The following PADI4 variants were observed in gnomAD, a reference collection of about 807,000 sequenced individuals.
The protein encoded by PADI4 is peptidyl arginine deiminase 4.
A neutral mutation model predicts 75.0 loss-of-function variants in PADI4; 62 were observed. The observed-to-expected ratio is 0.83, with a 90% CI of 0.67 to 1.02. The LOEUF (loss-of-function observed/expected upper bound fraction) is 1.02. Among genes scored for constraint, PADI4 ranks in the 50% least tolerant of loss-of-function variants. PADI4 has a pLI of 0.00. For missense variants in PADI4, 845 were observed against 850.5 expected (o/e 0.99, Z 0.08); for synonymous variants, 361 against 348.1 (o/e 1.04, Z -0.41).
chr1:17,342,247 G>A (rs913206464), intron 7 of PADI4, 52 bp from the exon 8 acceptor site: 6 of 1,422,486 alleles, frequency 4.2e-6, no homozygotes, highest in Non-Finnish European at 5.0e-6. Context: ...GGTAGGTGCT[G>A]GGCCCTGGCA....
intron 1 of PADI4, among the ~76,000 whole-genome samples, chr1:17,317,084 G>A (rs944492717): frequency 2.6e-5 from 4 of 152,122 alleles, no homozygotes; most frequent in Non-Finnish European, 4.4e-5. Flanking sequence ...TACGTATGTC[G>A]CAGAGTTGTC....
chr1:17,311,590 T>G (rs1348842370), intron 1 of PADI4, among the ~76,000 whole-genome samples: 1 of 151,586 alleles, frequency 6.6e-6, no homozygotes, highest in Non-Finnish European at 1.5e-5. Flanking sequence ...AGTGGCAAGA[T>G]CTTGGCTCAC....
Position 17,329,007 on chromosome 1 carries a change from TTATTAAGATATCTTAATATAATAAATTA to T in PADI4, c.93-1950_93-1923del, listed in dbSNP as rs1208124092. On this transcript the variant is annotated intron_variant, in intron 1 of 15. Transcript: ENST00000375448. Reference sequence around the variant, plus strand: ...TATTAAGATATTTTTATTATGATATTTATTAAGATATCTTAATATAATAAATTATATTAAGATATAATTTATTAATAAA... The same window carrying T: ...TATTAAGATATTTTTATTATGATATTTATTAAGATATAATTTATTAATAAA... Among the ~76,000 whole-genome samples the T allele has an allele frequency of 1.4e-4, 21 of 146,880 alleles. 1 individual carries two copies. In the East Asian group the frequency reaches 3.5e-3, roughly 25 times the overall value.
chr1:17,341,326 C>T (rs6665305), intron 6 of PADI4, among the ~76,000 whole-genome samples: 1 of 152,158 alleles, frequency 6.6e-6, no homozygotes, highest in African/African-American at 2.4e-5. Context: ...GTCTGGATCT[C>T]CTGACCTTGT....
intron 9 of PADI4, among the ~76,000 whole-genome samples, chr1:17,347,437 C>T (rs1347134865): frequency 2.0e-5 from 3 of 152,140 alleles, no homozygotes; most frequent in African/African-American, 7.2e-5. Context: ...GAAACCTCCC[C>T]GTGCTCCTCC....
chr1:17,316,781 C>T (rs927616556), intron 1 of PADI4, among the ~76,000 whole-genome samples: 6 of 151,956 alleles, frequency 3.9e-5, no homozygotes, highest in Non-Finnish European at 7.4e-5. Context: ...ACAACCCCCC[C>T]ACCCGTCTCC....
intron 1 of PADI4, among the ~76,000 whole-genome samples, chr1:17,318,204 T>A (rs2073973404): frequency 6.6e-6 from 1 of 151,998 alleles, no homozygotes; most frequent in Non-Finnish European, 1.5e-5. Flanking sequence ...CACAGCAGAG[T>A]GGCACCAATG....
At position 17,339,965 on chromosome 1, in the gene PADI4, G is replaced by A. The variant is rs184710211; in HGVS notation, c.652+152G>A. ...CAGTGGGCAAGACAGACGACATCTC[G>A]TCTACTACCTTCCAGTTGGAGGACA... On this transcript the variant is annotated intron_variant, in intron 6 of 15. Coordinates refer to ENST00000375448, the MANE Select transcript of PADI4 (RefSeq NM_012387.3). 925 of 757,948 alleles carry A rather than the reference G, an allele frequency of 1.2e-3. 10 individuals carry two copies. The African/African-American group carries it at 0.014, about 11-fold the overall frequency. 47.0% of individuals were successfully genotyped at this position (757,948 alleles called of 1,614,324 possible). A position where few individuals can be genotyped will look rare whatever the true frequency, so the allele number is the denominator to read the frequency against.
chr1:17,316,551 C>T (rs1443433089), intron 1 of PADI4, among the ~76,000 whole-genome samples: 1 of 148,832 alleles, frequency 6.7e-6, no homozygotes. Context: ...TTAGCCAGGC[C>T]TGGTGGCGGG....
chr1:17,334,542 A>G (rs1247660438), intron 3 of PADI4: 2 of 453,984 alleles, frequency 4.4e-6, no homozygotes, highest in Non-Finnish European at 8.9e-6. Flanking sequence ...ACCTCAGGTG[A>G]TCTGCCTGCC....
rs773522775 is a variant in PADI4 at position 17,363,772 on chromosome 1, G to A, written c.*17G>A. On this transcript the variant is annotated 3_prime_UTR_variant, in exon 16 of 16. Coordinates refer to ENST00000375448, the MANE Select transcript of PADI4 (RefSeq NM_012387.3). ...GTGCCCTGAGCCCATCTTCCCTGGC[G>A]TCCTCTCCCTCCTGGCCAGATGTCG... 2.2e-5 allele frequency: 35 copies of A among 1,560,868 alleles called. No homozygotes were observed. Among genetic ancestry groups the A allele is most frequent in the South Asian group, 4.4e-5 (4 of 89,934 alleles).
intron 10 of PADI4, among the ~76,000 whole-genome samples, chr1:17,349,584 A>G (rs1437305309): frequency 2.0e-5 from 3 of 152,134 alleles, no homozygotes; most frequent in African/African-American, 7.2e-5. Flanking sequence ...GTGTGCCTGT[A>G]ATCCTATCTT....
chr1:17,333,849 C>T (rs2074259911), intron 2 of PADI4, 94 bp from the exon 3 acceptor site: 1 of 913,078 alleles, frequency 1.1e-6, no homozygotes. Flanking sequence ...CTTTGTCTCC[C>T]CAGTGCCCTA....
chr1:17,356,451 G>A lies in PADI4; in HGVS notation c.1550G>A (p.Gly517Glu). The A allele has an allele frequency of 6.2e-7, 1 of 1,600,890 alleles. No individual in the cohort carries two copies. The highest frequency in any genetic ancestry group is 8.6e-7 in the Non-Finnish European group (1 of 1,168,446). Residue 517 changes from glycine (G) to glutamate (E), a missense_variant, in exon 13 of 16, where the codon GGG becomes GAG. Gly to Glu is a moderately conservative substitution (Grantham distance 98). Coordinates refer to ENST00000375448, the MANE Select transcript of PADI4 (RefSeq NM_012387.3). The surrounding 1 kb of genome is among the most constrained non-coding windows in gnomAD (Gnocchi z 4.1). ...EGHGEALLFEGIKKKKQQKIK... is the reference protein window; with the variant it reads ...EGHGEALLFEEIKKKKQQKIK... ...CACGGGGAGGCCCTGCTGTTCGAAG[G>A]GATCAAGAGTAAGTCGGCCCTGCCT... is the stretch of plus-strand genomic sequence containing the variant.
At position 17,339,330 on chromosome 1, in the gene PADI4, C is replaced by T. The variant is rs188112329; in HGVS notation, c.527-358C>T. On this transcript the variant is annotated intron_variant, in intron 5 of 15. Coordinates refer to ENST00000375448, the MANE Select transcript of PADI4 (RefSeq NM_012387.3). ...ACTCGTTCATTGCACAAATCTCAGC[C>T]GAGCGCCTGCCGCCTGCTGGTCATT... is the stretch of plus-strand genomic sequence containing the variant. Among the ~76,000 whole-genome samples, 233 of 152,282 alleles carry T rather than the reference C, an allele frequency of 1.5e-3. 1 individual carries two copies. The highest frequency in any genetic ancestry group is 4.8e-3 in the African/African-American group (201 of 41,544).
chr1:17,310,891 G>T (rs1241818540), intron 1 of PADI4, among the ~76,000 whole-genome samples: 4 of 152,160 alleles, frequency 2.6e-5, no homozygotes, highest in Non-Finnish European at 5.9e-5. Context: ...AAGGTCAGGA[G>T]ATCGAGACCA....
At chr1:17,353,833 C>G (rs951809275) in intron 10 of PADI4, among the ~76,000 whole-genome samples, 33 of 152,148 alleles carry the variant, frequency 2.2e-4, no homozygotes, top group African/African-American at 8.0e-4. Context: ...CTGAAAAAGA[C>G]ACGGAAATAT....
chr1:17,359,253 A>G, intron 14 of PADI4, 27 bp from the exon 15 acceptor site: 11 of 249,800 alleles, frequency 4.4e-5, no homozygotes, highest in East Asian at 1.2e-4. Context: ...TCAGTCCCCC[A>G]CTCACTGCCC....
intron 13 of PADI4, among the ~76,000 whole-genome samples, chr1:17,358,623 A>G (rs1222927335): frequency 6.6e-6 from 1 of 151,596 alleles, no homozygotes; most frequent in Non-Finnish European, 1.5e-5. Context: ...AATTTAAATG[A>G]GGTGAGAACA....
Sources: allele counts gnomAD v4.1 joint callset (sites outside exome capture counted in the v4.1 genomes callset), GRCh38; gene constraint gnomAD v4.1.1; non-coding constraint Gnocchi (gnomAD v3.1); transcripts MANE v1.5; gene names NCBI Gene and HGNC (gene_info 2026-07-23, HGNC 2026-07-21).